The following NSD1 variants were observed in gnomAD, a reference collection of about 807,000 sequenced individuals.
The protein encoded by NSD1 is nuclear receptor binding SET domain protein 1.
NSD1 carries 26 observed loss-of-function variants against 242.7 expected under a neutral mutation model. The ratio of observed to expected loss-of-function variants is 0.11; its 90% CI spans 0.08 to 0.15. The LOEUF (loss-of-function observed/expected upper bound fraction) is 0.15, where lower values mean the gene tolerates loss of function less well. NSD1 is among the 10% of genes least tolerant of loss of function. NSD1 has a pLI of 1.00. For missense variants in NSD1, 2,495 were observed against 3,272.8 expected (o/e 0.76, Z 5.80); for synonymous variants, 1,106 against 1,178.1 (o/e 0.94, Z 1.25).
chr5:177,235,841 C>A lies in NSD1; in HGVS notation c.3817C>A (p.Arg1273Ser). Residue 1273 changes from arginine (R) to serine (S), a missense_variant, in exon 6 of 23, where the codon CGC (arginine) becomes AGC (serine). By Grantham distance (110) the Arg-to-Ser change is moderately radical. Transcript: ENST00000439151. ...PEPAVRSEKK[R>S]LRKPSKWLLE... ...TTTAGCTGTGCGGTCAGAGAAGAAACGCCTTAGGAAGCCAAGCAAGTGGCT... is the reference window on the plus strand; with the variant it reads ...TTTAGCTGTGCGGTCAGAGAAGAAAAGCCTTAGGAAGCCAAGCAAGTGGCT... 1 of 1,613,876 alleles carries A rather than the reference C, an allele frequency of 6.2e-7. No individual in the cohort carries two copies. Among genetic ancestry groups the A allele is most frequent in the Non-Finnish European group, 8.5e-7 (1 of 1,179,896 alleles).
intron 5 of NSD1, among the ~76,000 whole-genome samples, chr5:177,222,778 A>G (rs1279793373): frequency 1.3e-5 from 2 of 151,964 alleles, no homozygotes; most frequent in East Asian, 1.9e-4. Context: ...ATTTTCTCCT[A>G]TTCTTTGGGT....
intron 17 of NSD1, among the ~76,000 whole-genome samples, chr5:177,274,190 C>T (rs967462445): frequency 1.3e-5 from 2 of 152,132 alleles, no homozygotes; most frequent in Non-Finnish European, 2.9e-5. Flanking sequence ...AGTACCAGAA[C>T]ACCATTCCTA....
chr5:177,244,090 A>G (rs1766095173), intron 8 of NSD1, 105 bp from the exon 9 acceptor site: 1 of 853,722 alleles, frequency 1.2e-6, no homozygotes, highest in African/African-American at 1.7e-5. Flanking sequence ...AAAACAAGTC[A>G]AAATTCAATA....
intron 2 of NSD1, among the ~76,000 whole-genome samples, chr5:177,158,320 TTTTCTTTCTTTTCTTTC>T (rs1758369378): frequency 1.4e-5 from 2 of 148,036 alleles, no homozygotes; most frequent in Non-Finnish European, 3.0e-5. Flanking sequence ...CTTTTCTTTC[TTTTCTTTCTTTTCTTTC>T]TTTCTTTCTT....
upstream of NSD1, chr5:177,133,186 G>C (rs1755989146): frequency 6.6e-6 from 1 of 152,512 alleles, no homozygotes; most frequent in Non-Finnish European, 1.5e-5. This position sits in a 1 kb window ranked among gnomAD's most constrained non-coding sequence, Gnocchi z 6.2. Context: ...GGGTTGCCTT[G>C]GCCTCGGGCC....
intron 18 of NSD1, 139 bp from the exon 19 acceptor site, chr5:177,282,326 A>G: frequency 1.3e-6 from 1 of 756,248 alleles, no homozygotes; most frequent in Non-Finnish European, 2.4e-6. Flanking sequence ...ATCGTAAAGT[A>G]ATTATGTGTG....
intron 13 of NSD1, among the ~76,000 whole-genome samples, chr5:177,257,421 C>T (rs1459782142): frequency 2.6e-5 from 4 of 151,810 alleles, no homozygotes; most frequent in South Asian, 2.1e-4. Context: ...TTAGTAGAGA[C>T]GGGGTTTCAC....
rs779601550 is a variant in NSD1, at chr5:177,209,742, A to G, written c.1343A>G (p.Lys448Arg). ...KNRKCIPGSI[K>R]LDSEEDMPFE... is the part of the protein sequence containing the mutation. ...CGAAAATGTATTCCTGGTTCAATCA[A>G]GTTGGACAGTGAAGAAGATATGCCA... The change falls in exon 5 of 23, where the codon AAG (lysine) becomes AGG (arginine). Residue 448 changes from lysine (K) to arginine (R), a missense_variant. Lys to Arg is a conservative substitution (Grantham distance 26). This residue lies in a region of NSD1 where 515 missense variants were observed against 467.0 expected (regional missense o/e 1.10). Transcript: ENST00000439151. The G allele has an allele frequency of 6.2e-7, 1 of 1,614,140 alleles. No homozygotes were observed. Among genetic ancestry groups the G allele is most frequent in the Non-Finnish European group, 8.5e-7 (1 of 1,180,010 alleles).
intron 20 of NSD1, 151 bp from the exon 21 acceptor site, chr5:177,288,668 T>G (rs1372963419): frequency 1.6e-6 from 1 of 634,792 alleles, no homozygotes; most frequent in Middle Eastern, 4.2e-4. Context: ...TTATTAATGT[T>G]ATAAGATTAG....
In NSD1 at chr5:177,135,569, T is replaced by G; in HGVS notation, c.466T>G (p.Phe156Val). 7 of 1,614,164 alleles carry G rather than the reference T, an allele frequency of 4.3e-6. No individual in the cohort carries two copies. Among genetic ancestry groups the G allele is most frequent in the Non-Finnish European group, 5.9e-6 (7 of 1,180,040 alleles). ...GAATGGCTTTCTGCACTTTGAGAAT[T>G]TTACTTGTGTGGACGATGCAGATGT... is the stretch of plus-strand genomic sequence containing the variant. ...IKNGFLHFEN[F>V]TCVDDADVDS... Residue 156 changes from phenylalanine (F) to valine (V), a missense_variant, in exon 2 of 23, where the codon TTT (phenylalanine) becomes GTT (valine). Transcript: ENST00000439151.
intron 2 of NSD1, among the ~76,000 whole-genome samples, chr5:177,165,499 AATTCCTT>A (rs1312978440): frequency 6.6e-6 from 1 of 152,060 alleles, no homozygotes; most frequent in Non-Finnish European, 1.5e-5. Context: ...AAATTGTAAG[AATTCCTT>A]ATATATTTTG....
intron 2 of NSD1, among the ~76,000 whole-genome samples, chr5:177,176,482 A>G (rs1760218446): frequency 6.6e-6 from 1 of 150,538 alleles, no homozygotes; most frequent in African/African-American, 2.5e-5. Flanking sequence ...GGCCCAGGCT[A>G]GAGTGCCGTG....
At chr5:177,236,056 G>A in intron 6 of NSD1, 111 bp downstream of exon 6, 1 of 1,227,044 alleles carries the variant, frequency 8.1e-7, no homozygotes, top group Non-Finnish European at 1.2e-6. Flanking sequence ...CTGAGATCTT[G>A]TTTTTTATTC....
chr5:177,294,133 T>C lies in NSD1; in HGVS notation c.6765T>C (p.Pro2255=), dbSNP rs758686344. 9 of 1,614,144 alleles carry C rather than the reference T, an allele frequency of 5.6e-6. No homozygotes were observed. The highest frequency in any genetic ancestry group is 1.7e-5 in the Admixed American group (1 of 60,012). The change falls in exon 23 of 23, where the codon CCT becomes CCC. Residue 2255 remains proline, a synonymous_variant. Coordinates refer to ENST00000439151, the MANE Select transcript of NSD1 (RefSeq NM_022455.5). ...CACCCAAAATGTCAGATAAACCTCCTGCTGACACCAACCAGATGCTGTCGC... is the reference window on the plus strand; with the variant it reads ...CACCCAAAATGTCAGATAAACCTCCCGCTGACACCAACCAGATGCTGTCGC... ...AQAPKMSDKP[P]ADTNQMLSLS... is the part of the protein sequence containing the mutation.
chr5:177,286,303 T>G (rs975579467), intron 20 of NSD1, among the ~76,000 whole-genome samples: 1 of 152,242 alleles, frequency 6.6e-6, no homozygotes, highest in Admixed American at 6.5e-5. Context: ...CTAGTTACTT[T>G]CGGGTTTTGC....
chr5:177,154,778 C>G (rs186330723), intron 2 of NSD1, among the ~76,000 whole-genome samples: 1 of 152,168 alleles, frequency 6.6e-6, no homozygotes, highest in African/African-American at 2.4e-5. Context: ...TCACTGCAAC[C>G]TCCAGCTCCT....
intron 10 of NSD1, among the ~76,000 whole-genome samples, chr5:177,247,437 A>G (rs1468319702): frequency 6.6e-6 from 1 of 152,076 alleles, no homozygotes; most frequent in African/African-American, 2.4e-5. Context: ...AAAAGAAAAA[A>G]ATTGAGACTG....
At position 177,300,060 on chromosome 5, in the gene NSD1, C is replaced by G. The variant is rs886060463; in HGVS notation, c.*4601C>G. The G allele has an allele frequency of 5.1e-5, 7 of 137,712 alleles. No homozygotes were observed. The highest frequency in any genetic ancestry group is 2.3e-4 in the East Asian group (2 of 8,810). 8.5% of individuals were successfully genotyped at this position (137,712 alleles called of 1,614,324 possible). A position where few individuals can be genotyped will look rare whatever the true frequency, so the allele number is the denominator to read the frequency against. ...TCCATCATTGCTTTTTTGCCGCGCC[C>G]CCCCCCCCCCGCCCCCATAGATTGT... On this transcript the variant is annotated 3_prime_UTR_variant, in exon 23 of 23. Coordinates refer to ENST00000439151, the MANE Select transcript of NSD1 (RefSeq NM_022455.5).
chr5:177,283,974 G>T (rs1759099366), intron 20 of NSD1, 46 bp downstream of exon 20: 2 of 1,611,544 alleles, frequency 1.2e-6, no homozygotes, highest in Non-Finnish European at 1.7e-6. Context: ...GAATTTCAGG[G>T]CTTTTGTTTT....
Sources: gnomAD v4.1 joint callset for allele counts (sites outside exome capture counted in the v4.1 genomes callset) on GRCh38, gnomAD v4.1.1 for gene constraint, gnomAD v4.1.1 regional missense constraint, Gnocchi (gnomAD v3.1) non-coding constraint, MANE v1.5 for transcripts, NCBI Gene and HGNC (gene_info 2026-07-23, HGNC 2026-07-21) for gene names.